Variants in PHLDB2 observed in about 807,000 individuals in gnomAD.
PHLDB2 encodes pleckstrin homology-like domain family B member 2.
A neutral mutation model predicts 123.6 loss-of-function variants in PHLDB2; 71 were observed. The observed-to-expected ratio is 0.57, with a 90% CI of 0.47 to 0.70. The LOEUF is 0.70. Ranked by LOEUF, PHLDB2 falls within the 30% of genes least tolerant of loss-of-function variation. The pLI, the probability that PHLDB2 is intolerant of heterozygous loss-of-function variation, is 0.00. For missense variants in PHLDB2, 1,446 were observed against 1,519.5 expected, an observed-to-expected ratio of 0.95 and a Z score of 0.80; for synonymous variants, 547 against 541.6, an observed-to-expected ratio of 1.01 and a Z score of -0.14.
intron 1 of PHLDB2, among the ~76,000 whole-genome samples, chr3:111,742,798 T>C (rs555842481): frequency 6.6e-6 from 1 of 152,254 alleles, no homozygotes; most frequent in East Asian, 1.9e-4. Flanking sequence ...TATAGCAGCA[T>C]GATTTATCAA....
In PHLDB2 at chr3:111,885,369, G is replaced by A. The variant is rs759923986; in HGVS notation, c.1292G>A (p.Arg431Gln). 16 of 1,613,966 alleles carry A rather than the reference G, an allele frequency of 9.9e-6. No individual in the cohort carries two copies. Among genetic ancestry groups the A allele is most frequent in the East Asian group, 2.2e-5 (1 of 44,886 alleles). ...GRDDLMDYHRRQREERLREQE... is the reference protein window; with the variant it reads ...GRDDLMDYHRQQREERLREQE... ...GATGACCTGATGGATTATCACCGGC[G>A]GCAGAGGGAGGAAAGACTCAGGGAG... The change falls in exon 2 of 18, where the codon CGG (arginine) becomes CAG (glutamine). Residue 431 changes from arginine (R) to glutamine (Q), a missense_variant. By Grantham distance (43) the Arg-to-Gln change is conservative. Coordinates refer to ENST00000431670, the MANE Select transcript of PHLDB2 (RefSeq NM_001134438.2).
At chr3:111,913,750 G>A in intron 3 of PHLDB2, 48 bp downstream of exon 3, 2 of 1,494,808 alleles carry the variant, frequency 1.3e-6, no homozygotes, top group Non-Finnish European at 9.1e-7. Context: ...CTAGGGCTGT[G>A]CATATGCTTT....
At chr3:111,866,014 A>ATCTTTTTTTTTTTTTTT (rs745656795) in intron 1 of PHLDB2, among the ~76,000 whole-genome samples, 1 of 57,430 alleles carries the variant, frequency 1.7e-5, no homozygotes, top group East Asian at 8.5e-4. Context: ...CCACCCACTC[A>ATCTTTTTTTTTTTTTTT]TTTTTTTTTT....
At position 111,837,214 on chromosome 3, in the gene PHLDB2, T is replaced by C. The variant is rs754730089; in HGVS notation, c.-48-8607T>C. Among the ~76,000 whole-genome samples, 309 of 152,310 alleles carry C rather than the reference T, an allele frequency of 2.0e-3. 2 individuals carry two copies. Among genetic ancestry groups the C allele is most frequent in the Non-Finnish European group, 2.4e-3 (160 of 68,028 alleles). On this transcript the variant is annotated intron_variant, in intron 1 of 17. Coordinates refer to the PHLDB2 transcript ENST00000393923. The stretch of plus-strand genomic sequence containing the variant: ...ATCAGTGCACATTTGTTACCATAAC[T>C]GTTATCGGTTTTTAAAAAATATCTA...
At chr3:111,918,684 G>A (rs1336862594) in intron 3 of PHLDB2, among the ~76,000 whole-genome samples, 1 of 152,214 alleles carries the variant, frequency 6.6e-6, no homozygotes, top group Admixed American at 6.5e-5. Context: ...ATGCCCAAGA[G>A]ATCCCGAGGA....
At chr3:111,845,781 C>T in intron 1 of PHLDB2, 10 of 1,606,350 alleles carry the variant, frequency 6.2e-6, no homozygotes, top group Non-Finnish European at 8.5e-6. Context: ...GTCAATTCAG[C>T]TTTCCAATCA....
chr3:111,862,532 A>G (rs2064884348), intron 1 of PHLDB2, among the ~76,000 whole-genome samples: 1 of 152,132 alleles, frequency 6.6e-6, no homozygotes, highest in Admixed American at 6.5e-5. Flanking sequence ...GATGCGGTTA[A>G]GCACCCTGCC....
intron 1 of PHLDB2, 142 bp from the exon 2 acceptor site, chr3:111,883,922 G>A (rs2066054309): frequency 1.4e-6 from 1 of 733,552 alleles, no homozygotes. Context: ...GGTTTTAACA[G>A]GTTTTTTAGT....
intron 5 of PHLDB2, among the ~76,000 whole-genome samples, chr3:111,925,624 CTG>C (rs375283851): frequency 7.5e-4 from 115 of 152,326 alleles, no homozygotes; most frequent in Middle Eastern, 3.4e-3. Flanking sequence ...GTCTAGCAAA[CTG>C]TTTTCATTTA....
At chr3:111,827,761 G>C (rs1344362117) in intron 1 of PHLDB2, among the ~76,000 whole-genome samples, 2 of 150,860 alleles carry the variant, frequency 1.3e-5, no homozygotes, top group South Asian at 4.2e-4. Flanking sequence ...TTCCTGGGAA[G>C]CTTCATGCTC....
intron 1 of PHLDB2, among the ~76,000 whole-genome samples, chr3:111,758,206 G>A (rs915116929): frequency 6.6e-6 from 1 of 152,132 alleles, no homozygotes; most frequent in Non-Finnish European, 1.5e-5. Flanking sequence ...TGCCCCTAGA[G>A]GTGGAGCCTA....
At chr3:111,932,991 G>A (rs985124214) in intron 6 of PHLDB2, among the ~76,000 whole-genome samples, 2 of 152,312 alleles carry the variant, frequency 1.3e-5, no homozygotes, top group Middle Eastern at 3.4e-3. Flanking sequence ...ACTTAATGCA[G>A]CATAGACTTT....
chr3:111,757,144 G>A (rs1292949754), intron 1 of PHLDB2, among the ~76,000 whole-genome samples: 1 of 152,086 alleles, frequency 6.6e-6, no homozygotes, highest in Non-Finnish European at 1.5e-5. Context: ...TGCTCTTCTC[G>A]AGGAGTATCT....
intron 1 of PHLDB2, among the ~76,000 whole-genome samples, chr3:111,827,755 T>C (rs1435978302): frequency 2.7e-5 from 4 of 150,800 alleles, no homozygotes; most frequent in African/African-American, 9.7e-5. Context: ...TGTTTCTTCC[T>C]GGGAAGCTTC....
intron 2 of PHLDB2, among the ~76,000 whole-genome samples, chr3:111,908,751 A>G (rs1332803553): frequency 6.6e-6 from 1 of 152,212 alleles, no homozygotes; most frequent in Non-Finnish European, 1.5e-5. Flanking sequence ...ATTTATCTCT[A>G]AAACAGACAG....
At position 111,790,448 on chromosome 3, in the gene PHLDB2, A is replaced by T. The variant is rs527596166; in HGVS notation, c.-48-55373A>T. On this transcript the variant is annotated intron_variant, in intron 1 of 17. Transcript: ENST00000393923. Reference sequence around the variant, plus strand: ...ATACCTTCCAGAACTTTTCATCCACACAACTAGTAGTCTCTTCATACTCTC... The same window carrying T: ...ATACCTTCCAGAACTTTTCATCCACTCAACTAGTAGTCTCTTCATACTCTC... Among the ~76,000 whole-genome samples the T allele has an allele frequency of 1.6e-4, 24 of 152,282 alleles. No individual in the cohort carries two copies. In the South Asian group the frequency reaches 4.8e-3, roughly 30 times the overall value.
At chr3:111,924,755 G>A (rs1240964791) in intron 5 of PHLDB2, among the ~76,000 whole-genome samples, 1 of 152,252 alleles carries the variant, frequency 6.6e-6, no homozygotes, top group Non-Finnish European at 1.5e-5. Flanking sequence ...CCTGGCTCTA[G>A]AATTTTGGAG....
At chr3:111,873,852 G>C (rs893389241) in intron 1 of PHLDB2, among the ~76,000 whole-genome samples, 2 of 152,158 alleles carry the variant, frequency 1.3e-5, no homozygotes, top group African/African-American at 4.8e-5. Context: ...TTTAGGGGAG[G>C]CATGCTGCTT....
intron 1 of PHLDB2, among the ~76,000 whole-genome samples, chr3:111,814,904 T>C (rs544344152): frequency 2.0e-5 from 3 of 152,338 alleles, no homozygotes; most frequent in Middle Eastern, 3.4e-3. Flanking sequence ...AAATCTCATC[T>C]TGAATTATAA....
Sources: gnomAD v4.1 joint callset for allele counts (sites outside exome capture counted in the v4.1 genomes callset) on GRCh38, gnomAD v4.1.1 for gene constraint, MANE v1.5 for transcripts, NCBI Gene and HGNC (gene_info 2026-07-23, HGNC 2026-07-21) for gene names.